The following GRHL2 variants were observed in gnomAD, a reference collection of about 807,000 sequenced individuals.
The protein encoded by GRHL2 is grainyhead like transcription factor 2.
Under a neutral mutation model 83.8 loss-of-function variants are expected in GRHL2, and 21 were observed. The observed-to-expected ratio is 0.25, with a 90% CI of 0.18 to 0.36. The LOEUF (loss-of-function observed/expected upper bound fraction) is 0.36, where lower values mean the gene tolerates loss of function less well. Ranked by LOEUF, GRHL2 falls within the 10% of genes least tolerant of loss-of-function variation. The pLI, the probability that GRHL2 is intolerant of heterozygous loss-of-function variation, is 1.00. For synonymous variants in GRHL2, 280 were observed against 278.9 expected, an observed-to-expected ratio of 1.00 and a Z score of -0.04; for missense variants, 623 against 781.8, an observed-to-expected ratio of 0.80 and a Z score of 2.42.
downstream of GRHL2, among the ~76,000 whole-genome samples, chr8:101,673,600 G>A (rs1050738366): frequency 5.8e-4 from 87 of 150,680 alleles, 1 homozygote; most frequent in Admixed American, 6.6e-4. Context: ...AAGAGACTTC[G>A]ACTCCCACAC....
chr8:101,591,310 C>A (rs986859203), intron 7 of GRHL2, among the ~76,000 whole-genome samples: 1 of 152,192 alleles, frequency 6.6e-6, no homozygotes, highest in African/African-American at 2.4e-5. Flanking sequence ...TTCCCCAACA[C>A]TGACACCTCT....
intron 1 of GRHL2, among the ~76,000 whole-genome samples, chr8:101,538,351 C>T (rs1183387817): frequency 6.6e-6 from 1 of 152,118 alleles, no homozygotes; most frequent in Non-Finnish European, 1.5e-5. Flanking sequence ...TGCATGGTCC[C>T]TTTCATCACT....
chr8:101,653,667 A>G (rs2892325), intron 14 of GRHL2, among the ~76,000 whole-genome samples: 59,769 of 151,454 alleles, frequency 0.39, 14,233 homozygotes, highest in African/African-American at 0.67. Flanking sequence ...ACTTGAACAC[A>G]GGAGGCGGAG....
intron 7 of GRHL2, among the ~76,000 whole-genome samples, chr8:101,598,366 A>G: frequency 6.6e-6 from 1 of 151,724 alleles, no homozygotes; most frequent in East Asian, 1.9e-4. Context: ...CAGCCACCTA[A>G]GTAGCTAGGA....
Position 101,631,250 on chromosome 8 carries a change from G to A in GRHL2, c.1258-387G>A, listed in dbSNP as rs141049729. Among the ~76,000 whole-genome samples, 641 of 152,258 alleles carry A rather than the reference G, an allele frequency of 4.2e-3. 5 individuals are homozygous for A. The highest frequency in any genetic ancestry group is 0.014 in the African/African-American group (597 of 41,554). The stretch of plus-strand genomic sequence containing the variant: ...CACTTTAAAGCCCTCTCCATGCCTA[G>A]GAATAAATTTAATGGGTCAATGATT... On this transcript the variant is annotated intron_variant, in intron 9 of 15. Transcript: ENST00000646743.
rs545610585 is a variant in GRHL2, at chr8:101,515,234, G to T, written c.20+22445G>T. On this transcript the variant is annotated intron_variant, in intron 1 of 15. Coordinates refer to ENST00000646743, the MANE Select transcript of GRHL2 (RefSeq NM_024915.4). ...CATTAATATTATATATGAGGTTGGG[G>T]TGTGGCCATCACTTTTCCTACTTCA... 8.1e-5 allele frequency among the ~76,000 whole-genome samples: 12 copies of T among 148,584 alleles called. No homozygotes were observed. The East Asian group carries it at 1.6e-3, about 20-fold the overall frequency.
intron 2 of GRHL2, chr8:101,543,779 AC>A (rs1257909618): frequency 3.7e-5 from 12 of 322,108 alleles, no homozygotes; most frequent in Non-Finnish European, 5.4e-5. Flanking sequence ...GAAGTATATT[AC>A]ATTGAGTGGC....
At chr8:101,644,279 C>A in intron 13 of GRHL2, 54 bp downstream of exon 13, 1 of 1,425,182 alleles carries the variant, frequency 7.0e-7, no homozygotes, top group Non-Finnish European at 9.8e-7. Context: ...GTGTCTCTCC[C>A]AAGAAGAGCT....
intron 11 of GRHL2, among the ~76,000 whole-genome samples, chr8:101,634,967 C>T (rs1467975323): frequency 1.3e-5 from 2 of 152,144 alleles, no homozygotes; most frequent in African/African-American, 4.8e-5. Context: ...CTTTAAAGGT[C>T]ATGAGATTAG....
intron 1 of GRHL2, among the ~76,000 whole-genome samples, chr8:101,521,889 C>T (rs1810693225): frequency 6.6e-6 from 1 of 152,190 alleles, no homozygotes; most frequent in South Asian, 2.1e-4. Context: ...ATAGGAGAGA[C>T]TGTGTCTGGC....
At chr8:101,570,459 A>G in intron 5 of GRHL2, 65 bp downstream of exon 5, 1 of 1,287,200 alleles carries the variant, frequency 7.8e-7, no homozygotes, top group Admixed American at 1.7e-5. Flanking sequence ...TGTACCTTCG[A>G]GTTATACCTT....
chr8:101,656,909 C>A (rs1162092905), intron 14 of GRHL2, among the ~76,000 whole-genome samples: 3 of 151,466 alleles, frequency 2.0e-5, no homozygotes, highest in Admixed American at 6.6e-5. Context: ...CACACACAGG[C>A]AATGACCGTG....
intron 3 of GRHL2, among the ~76,000 whole-genome samples, chr8:101,556,433 C>T (rs1478039350): frequency 6.6e-6 from 1 of 152,168 alleles, no homozygotes; most frequent in African/African-American, 2.4e-5. Flanking sequence ...TGAGAGGTGG[C>T]CCCAAAATTG....
chr8:101,534,217 T>A (rs920707595), intron 1 of GRHL2, among the ~76,000 whole-genome samples: 6 of 152,156 alleles, frequency 3.9e-5, no homozygotes, highest in Non-Finnish European at 8.8e-5. Flanking sequence ...GCAGCTTAGC[T>A]GTGAGGTTCC....
intron 14 of GRHL2, among the ~76,000 whole-genome samples, chr8:101,662,909 AAC>A (rs1171542106): frequency 6.6e-6 from 1 of 151,406 alleles, no homozygotes; most frequent in African/African-American, 2.4e-5. Context: ...TCACACCATA[AAC>A]ACAGTTTTGC....
In GRHL2 at chr8:101,558,424, G is replaced by A; in HGVS notation, c.290G>A (p.Cys97Tyr). The change falls in exon 4 of 16, where the codon TGC becomes TAC. Residue 97 changes from cysteine (C) to tyrosine (Y), a missense_variant. Physicochemically the swap from Cys to Tyr is radical, Grantham distance 194. This residue lies in a region of GRHL2 where 239 missense variants were observed against 240.5 expected (regional missense o/e 0.99). Transcript: ENST00000646743. ...DSQEDQEKRN[C>Y]LGTSEAQSNL... ...CGGGGGGTTTCAACACACAGAAACT[G>A]CCTTGGCACCAGTGAAGCCCAGAGT... The A allele has an allele frequency of 6.2e-7, 1 of 1,614,116 alleles. No individual in the cohort carries two copies.
chr8:101,637,636 T>TG (rs2129642398), intron 12 of GRHL2, among the ~76,000 whole-genome samples: 1 of 152,348 alleles, frequency 6.6e-6, no homozygotes, highest in East Asian at 1.9e-4. Context: ...TCGTAGATCA[T>TG]GGTAATAGCT....
chr8:101,562,025 C>T lies in GRHL2; in HGVS notation c.678+3213C>T, dbSNP rs193052406. 2.8e-5 allele frequency: 22 copies of T among 793,784 alleles called. No individual in the cohort carries two copies. In the East Asian group the frequency reaches 6.2e-4, roughly 22 times the overall value. 49.2% of individuals were successfully genotyped at this position (793,784 alleles called of 1,614,324 possible). On this transcript the variant is annotated intron_variant, in intron 4 of 15. Coordinates refer to ENST00000646743, the MANE Select transcript of GRHL2 (RefSeq NM_024915.4). ...TAAGAAGCATCTTCCATGTCCACATCCTCTTGTAACTGTTGTACCATTTTC... is the reference window on the plus strand; with the variant it reads ...TAAGAAGCATCTTCCATGTCCACATTCTCTTGTAACTGTTGTACCATTTTC...
At chr8:101,552,567 C>T (rs2130155162) in intron 2 of GRHL2, 148 bp from the exon 3 acceptor site, 1 of 721,884 alleles carries the variant, frequency 1.4e-6, no homozygotes, top group Non-Finnish European at 2.5e-6. Flanking sequence ...AGGCTACTAG[C>T]CTTTATCATC....
Sources: allele counts gnomAD v4.1 joint callset (sites outside exome capture counted in the v4.1 genomes callset), GRCh38; gene constraint gnomAD v4.1.1; regional missense constraint gnomAD v4.1.1; transcripts MANE v1.5; gene names NCBI Gene and HGNC (gene_info 2026-07-23, HGNC 2026-07-21).